TBL2: variants seen among roughly 807,000 people sequenced by gnomAD.
TBL2 encodes the protein transducin beta like 2, also known as transducin beta-like protein 2.
In TBL2, 33 loss-of-function variants were observed where a neutral mutation model predicts 41.8. The observed-to-expected ratio is 0.79, with a 90% CI of 0.60 to 1.06. The LOEUF (loss-of-function observed/expected upper bound fraction) is 1.06. Ranked by LOEUF, TBL2 falls within the 50% of genes least tolerant of loss-of-function variation. The probability of loss-of-function intolerance (pLI) is 0.00; values close to 1 mark genes in which losing one functional copy is unlikely to be tolerated. For synonymous variants in TBL2, 239 were observed against 241.7 expected, an observed-to-expected ratio of 0.99 and a Z score of 0.10; for missense variants, 522 against 603.8, an observed-to-expected ratio of 0.86 and a Z score of 1.42.
chr7:73,576,528 T>C (rs1456551666), intron 1 of TBL2: 1 of 446,576 alleles, frequency 2.2e-6, no homozygotes, highest in African/African-American at 2.0e-5. Context: ...ATCGCACCAC[T>C]GCACTCCAGT....
Position 73,570,972 on chromosome 7 carries a change from C to G in TBL2, c.879G>C (p.Arg293Ser). ...TACCATCCTTGGAGACAGAAGCCAT[C>G]CTGCAACACAGAAAATCACAGCTCA... ...HSFAFSNDSRRMASVSKDGTW... is the reference protein window; with the variant it reads ...HSFAFSNDSRSMASVSKDGTW... The change falls in exon 7 of 7, where the codon AGG becomes AGC. Residue 293 changes from arginine (R) to serine (S), a missense_variant and splice_region_variant. Coordinates refer to ENST00000305632, the MANE Select transcript of TBL2 (RefSeq NM_012453.4). 6.3e-7 allele frequency: 1 copy of G among 1,594,040 alleles called. No homozygotes were observed. The highest frequency in any genetic ancestry group is 1.7e-5 in the Admixed American group (1 of 58,292).
chr7:73,571,193 G>C lies in TBL2; in HGVS notation c.874C>G (p.Arg292Gly). ...CATCAGAGCGGATTCACTCACCTCC[G>C]TGAGTCGTTGGAGAAAGCAAACGAG... Reference protein sequence around the residue: ...VHSFAFSNDSRRMASVSKDGT... With the variant: ...VHSFAFSNDSGRMASVSKDGT... Residue 292 changes from arginine to glycine, a missense_variant, in exon 6 of 7, where the codon CGG (arginine) becomes GGG (glycine). Physicochemically the swap from Arg to Gly is moderately radical, Grantham distance 125. Transcript: ENST00000305632. 5.0e-6 allele frequency: 8 copies of C among 1,614,224 alleles called. No individual in the cohort carries two copies. Among genetic ancestry groups the C allele is most frequent in the Non-Finnish European group, 6.8e-6 (8 of 1,180,040 alleles).
In TBL2 at chr7:73,570,872, C is replaced by G; in HGVS notation, c.979G>C (p.Glu327Gln). 1 of 1,613,912 alleles carries G rather than the reference C, an allele frequency of 6.2e-7. No homozygotes were observed. The highest frequency in any genetic ancestry group is 8.5e-7 in the Non-Finnish European group (1 of 1,180,026). The change falls in exon 7 of 7, where the codon GAA (glutamate) becomes CAA (glutamine). Residue 327 changes from glutamate (E) to glutamine (Q), a missense_variant. Coordinates refer to ENST00000305632, the MANE Select transcript of TBL2 (RefSeq NM_012453.4). The part of the protein sequence containing the change: ...DPYLLKTGRF[E>Q]EAAGAAPCRL... ...CACGGCGCGGCACCCGCCGCCTCTTCAAAGCGGCCTGTCTTCAGCAAGTAG... is the reference window on the plus strand; with the variant it reads ...CACGGCGCGGCACCCGCCGCCTCTTGAAAGCGGCCTGTCTTCAGCAAGTAG...
chr7:73,577,034 G>C (rs577235704), intron 1 of TBL2, among the ~76,000 whole-genome samples: 9 of 152,040 alleles, frequency 5.9e-5, no homozygotes, highest in African/African-American at 2.2e-4. Flanking sequence ...GAGGCAGGTG[G>C]ATCACAAGAG....
intron 3 of TBL2, chr7:73,573,695 C>T (rs891886731): frequency 2.7e-6 from 2 of 753,258 alleles, no homozygotes; most frequent in Non-Finnish European, 4.2e-6. Context: ...AACTAAGGCT[C>T]ATCTGGAAGC....
chr7:73,573,352 G>A lies in TBL2; in HGVS notation c.566C>T (p.Ala189Val), dbSNP rs782673735. ...AGCAATGCCAATGTCGATGACAGGCGCCTTGTGCTTTTTAGGGAAGTCCTC... is the reference window on the plus strand; with the variant it reads ...AGCAATGCCAATGTCGATGACAGGCACCTTGTGCTTTTTAGGGAAGTCCTC... ...TPEDFPKKHK[A>V]PVIDIGIANT... is the part of the protein sequence containing the mutation. The change falls in exon 4 of 7, where the codon GCG becomes GTG. Residue 189 changes from alanine (A) to valine (V), a missense_variant. By Grantham distance (64) the Ala-to-Val change is moderately conservative. Coordinates refer to ENST00000305632, the MANE Select transcript of TBL2 (RefSeq NM_012453.4). The A allele has an allele frequency of 3.7e-6, 6 of 1,614,054 alleles. No individual in the cohort carries two copies. In the South Asian group the frequency reaches 4.4e-5, roughly 12 times the overall value.
rs1792872980 is a variant in TBL2 at position 73,570,665 on chromosome 7, C to G, written c.1186G>C (p.Val396Leu). 6.2e-7 allele frequency: 1 copy of G among 1,613,900 alleles called. No individual in the cohort carries two copies. Among genetic ancestry groups the G allele is most frequent in the South Asian group, 1.1e-5 (1 of 91,060 alleles). ...RFLASCGDRA[V>L]RLFHNTPGHR... ...CCAGGAGTGTTGTGAAACAGCCGCA[C>G]CGCCCGGTCCCCACAGGAGGCCAGA... Residue 396 changes from valine to leucine, a missense_variant, in exon 7 of 7, where the codon GTG becomes CTG. Physicochemically the swap from Val to Leu is conservative, Grantham distance 32. Transcript: ENST00000305632.
chr7:73,574,625 C>T, intron 1 of TBL2, 112 bp from the exon 2 acceptor site: 3 of 1,477,606 alleles, frequency 2.0e-6, no homozygotes, highest in East Asian at 2.3e-5. Context: ...AGATATGGCC[C>T]TTGTCTTCTG....
At chr7:73,577,758 C>T (rs1327422355) in intron 1 of TBL2, among the ~76,000 whole-genome samples, 1 of 152,258 alleles carries the variant, frequency 6.6e-6, no homozygotes, top group East Asian at 1.9e-4. Flanking sequence ...ACCCTCCTGC[C>T]TCGGCCTCCC....
chr7:73,578,382 C>T (rs1793473206), intron 1 of TBL2, 38 bp downstream of exon 1: 2 of 1,520,914 alleles, frequency 1.3e-6, no homozygotes, highest in African/African-American at 2.9e-5. Flanking sequence ...GGAGCCGGGA[C>T]ACCGCGGGCC....
intron 1 of TBL2, chr7:73,576,488 C>T (rs1339548379): frequency 2.6e-6 from 1 of 388,594 alleles, no homozygotes; most frequent in Non-Finnish European, 5.2e-6. Context: ...ATCACTTGAA[C>T]CCAGGAGGTA....
At position 73,570,110 on chromosome 7, in the gene TBL2, C is replaced by T; in HGVS notation, c.*397G>A. On this transcript the variant is annotated 3_prime_UTR_variant, in exon 7 of 7. Coordinates refer to ENST00000305632, the MANE Select transcript of TBL2 (RefSeq NM_012453.4). ...ATCCCAGTCTCCCATCCTTGCAAAA[C>T]TGCTGCTTAGTACTCAGGTGTTCTC... 1 of 166,608 alleles carries T rather than the reference C, an allele frequency of 6.0e-6. No homozygotes were observed. Among genetic ancestry groups the T allele is most frequent in the Non-Finnish European group, 1.3e-5 (1 of 77,552 alleles). 10.3% of individuals were successfully genotyped at this position (166,608 alleles called of 1,614,324 possible).
chr7:73,573,572 T>C, intron 3 of TBL2, 101 bp from the exon 4 acceptor site: 1 of 1,464,430 alleles, frequency 6.8e-7, no homozygotes, highest in South Asian at 1.3e-5. Context: ...TCTCTCCTCA[T>C]GCCCCACAGT....
intron 1 of TBL2, among the ~76,000 whole-genome samples, chr7:73,575,539 C>T (rs1201094775): frequency 4.6e-5 from 7 of 152,276 alleles, no homozygotes; most frequent in East Asian, 3.9e-4. Context: ...GTGATCCACC[C>T]GCCTCGGCCT....
At position 73,570,829 on chromosome 7, in the gene TBL2, G is replaced by C. The variant is rs370890782; in HGVS notation, c.1022C>G (p.Pro341Arg). ...GGCCAAGGCCAAGACCTGGGCGTTG[G>C]GGGAGAGGGCCAGGCGGCACGGCGC... is the stretch of plus-strand genomic sequence containing the variant. ...GAAPCRLALS[P>R]NAQVLALASG... The change falls in exon 7 of 7, where the codon CCC becomes CGC. Residue 341 changes from proline to arginine, a missense_variant. Pro to Arg is a moderately radical substitution (Grantham distance 103, BLOSUM62 -2). Coordinates refer to ENST00000305632, the MANE Select transcript of TBL2 (RefSeq NM_012453.4). 38 of 1,613,820 alleles carry C rather than the reference G, an allele frequency of 2.4e-5. No individual in the cohort carries two copies. The highest frequency in any genetic ancestry group is 3.1e-5 in the Non-Finnish European group (36 of 1,180,052).
Position 73,570,535 on chromosome 7 carries a change from AG to A in TBL2, c.1315del (p.Leu439Ter). The A allele has an allele frequency of 6.3e-7, 1 of 1,587,490 alleles. No individual in the cohort carries two copies. Among genetic ancestry groups the A allele is most frequent in the South Asian group, 1.1e-5 (1 of 87,000 alleles). ...CTTCTTCAGGGCACCCAGGCTCTTCAGGGTCTCTTGGGCCTGGGTCAGCTGC... is the reference window on the plus strand; with the variant it reads ...CTTCTTCAGGGCACCCAGGCTCTTCAGGTCTCTTGGGCCTGGGTCAGCTGC... Reference protein sequence around the residue: ...QQQLTQAQETLKSLGALKK With the variant: ...QQQLTQAQETXKSLGALKK On this transcript the variant is annotated frameshift_variant, in exon 7 of 7. Coordinates refer to ENST00000305632, the MANE Select transcript of TBL2 (RefSeq NM_012453.4). LOFTEE classifies it high-confidence loss of function.
rs1199816365 is a variant in TBL2, at chr7:73,568,338, C to T, written c.*2169G>A. 1.3e-5 allele frequency among the ~76,000 whole-genome samples: 2 copies of T among 152,078 alleles called. No homozygotes were observed. The highest frequency in any genetic ancestry group is 6.6e-5 in the Admixed American group (1 of 15,252). ...AAGAGAGTAGTGGACTGCATCGGGC[C>T]GACCTTAGTGTTTTGTTTGGTCCAG... is the stretch of plus-strand genomic sequence containing the variant. On this transcript the variant is annotated 3_prime_UTR_variant, in exon 7 of 7. Transcript: ENST00000305632.
Position 73,574,107 on chromosome 7 carries a change from T to C in TBL2, c.277A>G (p.Ile93Val), listed in dbSNP as rs373925412. 27 of 1,614,118 alleles carry C rather than the reference T, an allele frequency of 1.7e-5. No individual in the cohort carries two copies. The Admixed American group carries it at 3.8e-4, about 23-fold the overall frequency. The change falls in exon 3 of 7, where the codon ATA becomes GTA. Residue 93 changes from isoleucine to valine, a missense_variant. Coordinates refer to ENST00000305632, the MANE Select transcript of TBL2 (RefSeq NM_012453.4). ...TTGCTGCTAAAGTCCATGCAAGATA[T>C]GTTCCCGCTGTGGCTCTAGGGGAAG... Reference protein sequence around the residue: ...AAALKSHSGNISCMDFSSNGK... With the variant: ...AAALKSHSGNVSCMDFSSNGK...
In TBL2 at chr7:73,578,427, C is replaced by A. The variant is rs915801332; in HGVS notation, c.123G>T (p.Arg41=). 1 of 1,527,128 alleles carries A rather than the reference C, an allele frequency of 6.5e-7. No homozygotes were observed. Among genetic ancestry groups the A allele is most frequent in the South Asian group, 1.2e-5 (1 of 82,076 alleles). The allele number at this position is 1,527,128 out of a possible 1,614,324, so 94.6% of individuals were successfully genotyped here. A position where few individuals can be genotyped will look rare whatever the true frequency, so the allele number is the denominator to read the frequency against. Residue 41 remains arginine, a synonymous_variant, in exon 1 of 7, where the codon CGG becomes CGT. Transcript: ENST00000305632. ...CGACCCGGCCCCACTTACAGGCGGG[C>A]CGGCCGCTCCTCTCCTCCCCCGCGC... ...WLRAGEERSG[R]PACQKANGFP...
Sources: allele counts gnomAD v4.1 joint callset (sites outside exome capture counted in the v4.1 genomes callset), GRCh38; gene constraint gnomAD v4.1.1; transcripts MANE v1.5; gene names NCBI Gene and HGNC (gene_info 2026-07-23, HGNC 2026-07-21).